Variants in SGCZ observed in about 807,000 individuals in gnomAD.
The protein encoded by SGCZ is sarcoglycan zeta, also known as zeta-sarcoglycan.
Under a neutral mutation model 41.3 loss-of-function variants are expected in SGCZ, and 40 were observed. That is an observed-to-expected ratio of 0.97 (90% confidence interval 0.75 to 1.26). The LOEUF is 1.26. SGCZ is among the 50% of genes most tolerant of loss of function. SGCZ has a pLI of 0.00. For synonymous variants in SGCZ, 206 were observed against 137.5 expected (o/e 1.50, Z -3.49); for missense variants, 552 against 369.8 (o/e 1.49, Z -4.04).
chr8:14,196,935 A>T (rs776795293), intron 4 of SGCZ, among the ~76,000 whole-genome samples: 2 of 152,188 alleles, frequency 1.3e-5, no homozygotes, highest in Non-Finnish European at 2.9e-5. Flanking sequence ...AAATAAATTC[A>T]TGGATGACGG....
rs1415104244 is a variant in SGCZ at position 14,089,371 on chromosome 8, C to A, written c.*1072G>T. Reference sequence around the variant, plus strand: ...TAGTTAGCTTCTGACTTCTTTAAATCTTAACCTCCAATAAAAAATAGATGG... The same window carrying A: ...TAGTTAGCTTCTGACTTCTTTAAATATTAACCTCCAATAAAAAATAGATGG... On this transcript the variant is annotated 3_prime_UTR_variant, in exon 8 of 8. Coordinates refer to ENST00000382080, the MANE Select transcript of SGCZ (RefSeq NM_139167.4). Among the ~76,000 whole-genome samples the A allele has an allele frequency of 1.3e-5, 2 of 151,926 alleles. No homozygotes were observed. The highest frequency in any genetic ancestry group is 4.8e-5 in the African/African-American group (2 of 41,412).
Position 14,596,815 on chromosome 8 carries a change from T to C in SGCZ, c.40-41889A>G, listed in dbSNP as rs576120556. Among the ~76,000 whole-genome samples the C allele has an allele frequency of 7.2e-5, 11 of 152,284 alleles. No homozygotes were observed. In the East Asian group the frequency reaches 2.1e-3, roughly 29 times the overall value. ...AACAAACCTGCACATTTTGCACATG[T>C]ATCCTGGAAATTAGAGTAAAATAAA... is the stretch of plus-strand genomic sequence containing the variant. On this transcript the variant is annotated intron_variant, in intron 1 of 7. Coordinates refer to ENST00000382080, the MANE Select transcript of SGCZ (RefSeq NM_139167.4).
At chr8:14,439,115 C>T (rs964114153) in intron 2 of SGCZ, among the ~76,000 whole-genome samples, 17 of 151,858 alleles carry the variant, frequency 1.1e-4, no homozygotes, top group African/African-American at 4.1e-4. Flanking sequence ...AGATTCGATT[C>T]CCCTATGGGC....
chr8:14,915,415 G>A (rs375954674), intron 1 of SGCZ, among the ~76,000 whole-genome samples: 8 of 152,118 alleles, frequency 5.3e-5, no homozygotes, highest in African/African-American at 1.4e-4. Context: ...GCCCCAAATC[G>A]TTTCCTAACA....
chr8:14,107,396 A>G (rs1802238983), intron 6 of SGCZ, among the ~76,000 whole-genome samples: 2 of 152,130 alleles, frequency 1.3e-5, no homozygotes, highest in Non-Finnish European at 2.9e-5. Context: ...AATGCCTCCT[A>G]GAACCATCAC....
At chr8:14,645,936 G>T (rs1563176079) in intron 1 of SGCZ, among the ~76,000 whole-genome samples, 1 of 151,622 alleles carries the variant, frequency 6.6e-6, no homozygotes, top group Non-Finnish European at 1.5e-5. Context: ...TCTTCAACCT[G>T]TTCTCTTACT....
In SGCZ at chr8:14,955,727, A is replaced by G. The variant is rs982496402; in HGVS notation, c.39+281858T>C. On this transcript the variant is annotated intron_variant, in intron 1 of 7. Coordinates refer to ENST00000382080, the MANE Select transcript of SGCZ (RefSeq NM_139167.4). ...TTGGATTATCAAGACCTTTTTTTTCATTCACAGAAGTTTTCTAAATATTTT... is the reference window on the plus strand; with the variant it reads ...TTGGATTATCAAGACCTTTTTTTTCGTTCACAGAAGTTTTCTAAATATTTT... Among the ~76,000 whole-genome samples the G allele has an allele frequency of 7.2e-5, 11 of 151,852 alleles. No individual in the cohort carries two copies. The East Asian group carries it at 1.9e-3, about 27-fold the overall frequency.
chr8:14,909,008 C>T (rs1302395614), intron 1 of SGCZ, among the ~76,000 whole-genome samples: 1 of 152,116 alleles, frequency 6.6e-6, no homozygotes, highest in Non-Finnish European at 1.5e-5. Context: ...TGGGACAATG[C>T]TTGACATAAA....
chr8:15,154,437 A>T (rs1799269961), intron 1 of SGCZ, among the ~76,000 whole-genome samples: 1 of 152,174 alleles, frequency 6.6e-6, no homozygotes, highest in Non-Finnish European at 1.5e-5. Context: ...CAAGACTCTT[A>T]TGAAGGGCTG....
intron 3 of SGCZ, among the ~76,000 whole-genome samples, chr8:14,281,207 C>G (rs1800421459): frequency 6.6e-6 from 1 of 151,850 alleles, no homozygotes; most frequent in Admixed American, 6.6e-5. Context: ...AGTTTCTACT[C>G]TATATAATTG....
At chr8:14,450,268 T>C (rs1800553399) in intron 2 of SGCZ, among the ~76,000 whole-genome samples, 3 of 152,196 alleles carry the variant, frequency 2.0e-5, no homozygotes, top group African/African-American at 7.2e-5. Flanking sequence ...CAACCAAGCA[T>C]CGTGATTCTT....
At chr8:15,126,997 G>C (rs1432559796) in intron 1 of SGCZ, among the ~76,000 whole-genome samples, 3 of 152,144 alleles carry the variant, frequency 2.0e-5, no homozygotes, top group African/African-American at 7.2e-5. Context: ...CACGTGTCTA[G>C]ACACATTCTA....
At chr8:15,189,140 A>G (rs1358047987) in intron 1 of SGCZ, among the ~76,000 whole-genome samples, 1 of 152,188 alleles carries the variant, frequency 6.6e-6, no homozygotes, top group Non-Finnish European at 1.5e-5. Context: ...TTTGATATAG[A>G]TCAATCTGCA....
chr8:14,624,917 C>T (rs1239345214), intron 1 of SGCZ, among the ~76,000 whole-genome samples: 1 of 152,072 alleles, frequency 6.6e-6, no homozygotes, highest in African/African-American at 2.4e-5. Context: ...AGTGAGGGTA[C>T]ACAAAAGGTA....
intron 2 of SGCZ, among the ~76,000 whole-genome samples, chr8:14,445,404 G>C (rs529528901): frequency 6.6e-6 from 1 of 152,294 alleles, no homozygotes; most frequent in Non-Finnish European, 1.5e-5. Context: ...TCACTTGGTA[G>C]AGGGAAGAGA....
intron 2 of SGCZ, among the ~76,000 whole-genome samples, chr8:14,475,003 T>C (rs1039134679): frequency 6.6e-6 from 1 of 152,194 alleles, no homozygotes; most frequent in Non-Finnish European, 1.5e-5. Context: ...GATACATATT[T>C]TTTCTTCTCC....
At chr8:15,034,201 A>G (rs1803788717) in intron 1 of SGCZ, among the ~76,000 whole-genome samples, 1 of 152,194 alleles carries the variant, frequency 6.6e-6, no homozygotes, top group South Asian at 2.1e-4. Flanking sequence ...AAGAAAATAC[A>G]AAGAAACAAT....
chr8:14,792,315 C>A (rs146502670), intron 1 of SGCZ, among the ~76,000 whole-genome samples: 55 of 152,226 alleles, frequency 3.6e-4, no homozygotes, highest in African/African-American at 1.2e-3. Context: ...ATATAGGTTA[C>A]AACATCTCTT....
intron 1 of SGCZ, among the ~76,000 whole-genome samples, chr8:15,182,541 T>C (rs774449727): frequency 9.2e-5 from 14 of 152,144 alleles, no homozygotes; most frequent in Admixed American, 2.6e-4. Context: ...TATCTAAACA[T>C]AAAAAGGTAC....
Sources: gnomAD v4.1 joint callset for allele counts (sites outside exome capture counted in the v4.1 genomes callset) on GRCh38, gnomAD v4.1.1 for gene constraint, MANE v1.5 for transcripts, NCBI Gene and HGNC (gene_info 2026-07-23, HGNC 2026-07-21) for gene names.